SLC4A10: variants seen among roughly 807,000 people sequenced by gnomAD.
SLC4A10 encodes the protein sodium-driven chloride bicarbonate exchanger.
Under a neutral mutation model 137.7 loss-of-function variants are expected in SLC4A10, and 42 were observed. That is an observed-to-expected ratio of 0.30 (90% CI 0.24 to 0.39). The LOEUF (loss-of-function observed/expected upper bound fraction) is 0.39, where lower values mean the gene tolerates loss of function less well. Ranked by LOEUF, SLC4A10 falls within the 10% of genes least tolerant of loss-of-function variation. The pLI is 1.00. For missense variants in SLC4A10, 925 were observed against 1,355.0 expected (o/e 0.68, Z 4.98); for synonymous variants, 474 against 464.1 (o/e 1.02, Z -0.27).
intron 5 of SLC4A10, among the ~76,000 whole-genome samples, chr2:161,861,696 G>A (rs1376002859): frequency 3.3e-5 from 5 of 152,094 alleles, no homozygotes; most frequent in African/African-American, 2.4e-5. Context: ...TTTACTGATA[G>A]CCTCAATATT....
intron 9 of SLC4A10, 31 bp downstream of exon 9, chr2:161,879,319 T>C (rs770130347): frequency 6.4e-7 from 1 of 1,550,766 alleles, no homozygotes; most frequent in Non-Finnish European, 8.7e-7. Context: ...TTTTGTATTT[T>C]TCTTAAACCA....
intron 23 of SLC4A10, among the ~76,000 whole-genome samples, chr2:161,966,421 G>A (rs889569137): frequency 2.0e-5 from 3 of 151,984 alleles, no homozygotes; most frequent in East Asian, 1.9e-4. Flanking sequence ...TTTTCTGTTT[G>A]ATATATTTTT....
In SLC4A10 at chr2:161,952,868, T is replaced by C. The variant is rs550786506; in HGVS notation, c.2541+2020T>C. On this transcript the variant is annotated intron_variant, in intron 19 of 26. Coordinates refer to ENST00000446997, the MANE Select transcript of SLC4A10 (RefSeq NM_001178015.2). ...ACAAAATCACCTTCTCAGAATGTTA[T>C]TTACTCAGAGTAACGGTTTGTTCCA... Among the ~76,000 whole-genome samples the C allele has an allele frequency of 5.1e-4, 77 of 152,332 alleles. No individual in the cohort carries two copies. The Middle Eastern group carries it at 0.01, about 20-fold the overall frequency.
chr2:161,639,989 G>A (rs2105476490), intron 1 of SLC4A10, among the ~76,000 whole-genome samples: 1 of 152,198 alleles, frequency 6.6e-6, no homozygotes, highest in East Asian at 1.9e-4. Context: ...GAAACTATCT[G>A]AAAAATAAAT....
chr2:161,780,660 TA>T (rs577604830), intron 2 of SLC4A10, among the ~76,000 whole-genome samples: 5 of 152,058 alleles, frequency 3.3e-5, no homozygotes, highest in Non-Finnish European at 7.4e-5. Context: ...AATGATTTTT[TA>T]AAAAATTCTT....
Position 161,948,527 on chromosome 2 carries a change from G to A in SLC4A10, c.2266-621G>A, listed in dbSNP as rs535080159. ...GTATGCTTGTGTGTATGTCATAAAG[G>A]CATCTTAAAATAAACTAGATCTGGA... On this transcript the variant is annotated intron_variant, in intron 17 of 26. Coordinates refer to ENST00000446997, the MANE Select transcript of SLC4A10 (RefSeq NM_001178015.2). 2.0e-5 allele frequency among the ~76,000 whole-genome samples: 3 copies of A among 152,084 alleles called. No homozygotes were observed. The South Asian group carries it at 6.2e-4, about 32-fold the overall frequency.
chr2:161,738,067 C>A (rs2047524176), intron 1 of SLC4A10, among the ~76,000 whole-genome samples: 1 of 151,940 alleles, frequency 6.6e-6, no homozygotes, highest in South Asian at 2.1e-4. Context: ...GACTTCTGAA[C>A]AAGTTTGGAT....
At chr2:161,755,686 C>A (rs943770509) in intron 1 of SLC4A10, among the ~76,000 whole-genome samples, 1 of 152,080 alleles carries the variant, frequency 6.6e-6, no homozygotes, top group African/African-American at 2.4e-5. Flanking sequence ...ATATCTTCAT[C>A]CCTTTAGAAT....
chr2:161,724,518 G>A (rs192973281), intron 1 of SLC4A10, among the ~76,000 whole-genome samples: 2 of 152,280 alleles, frequency 1.3e-5, no homozygotes, highest in Admixed American at 1.3e-4. Context: ...GTGTGAACAA[G>A]ATAGATATAA....
chr2:161,874,664 C>G lies in SLC4A10; in HGVS notation c.948+659C>G, dbSNP rs557315883. ...TCTAGAGCCCTCTACTTAGTGTCAG[C>G]TGTTGTTCATAGCATGGCACACTGG... On this transcript the variant is annotated intron_variant, in intron 8 of 26. Coordinates refer to ENST00000446997, the MANE Select transcript of SLC4A10 (RefSeq NM_001178015.2). Among the ~76,000 whole-genome samples the G allele has an allele frequency of 2.7e-3, 404 of 152,282 alleles. 1 individual carries two copies. The highest frequency in any genetic ancestry group is 9.2e-3 in the African/African-American group (383 of 41,558).
At chr2:161,788,100 G>A (rs1229361562) in intron 2 of SLC4A10, among the ~76,000 whole-genome samples, 1 of 150,866 alleles carries the variant, frequency 6.6e-6, no homozygotes, top group Non-Finnish European at 1.5e-5. Context: ...TCCCTTGAGG[G>A]TATGACTGTG....
chr2:161,797,666 G>A (rs2054921399), intron 2 of SLC4A10, among the ~76,000 whole-genome samples: 1 of 151,484 alleles, frequency 6.6e-6, no homozygotes, highest in African/African-American at 2.4e-5. Flanking sequence ...CATATTTTTA[G>A]GTTTCATTCA....
chr2:161,722,848 T>A (rs1419659205), intron 1 of SLC4A10, among the ~76,000 whole-genome samples: 2 of 152,194 alleles, frequency 1.3e-5, no homozygotes, highest in Non-Finnish European at 2.9e-5. Flanking sequence ...AGATCAGATT[T>A]CTCTCTGTAA....
At chr2:161,828,812 A>G (rs2058224079) in intron 3 of SLC4A10, among the ~76,000 whole-genome samples, 2 of 129,068 alleles carry the variant, frequency 1.5e-5, no homozygotes, top group African/African-American at 2.9e-5. Flanking sequence ...ATATATATGT[A>G]TAATCTACAT....
chr2:161,735,717 C>T (rs1232009904), intron 1 of SLC4A10, among the ~76,000 whole-genome samples: 1 of 152,152 alleles, frequency 6.6e-6, no homozygotes, highest in African/African-American at 2.4e-5. Flanking sequence ...CAAAGCTAAT[C>T]CCAGGAAGAA....
chr2:161,790,376 C>A (rs958950421), intron 2 of SLC4A10, among the ~76,000 whole-genome samples: 2 of 152,080 alleles, frequency 1.3e-5, no homozygotes, highest in Non-Finnish European at 2.9e-5. Flanking sequence ...TTATAATTTC[C>A]TTATTTCAAA....
chr2:161,806,445 T>C (rs1346935919), intron 3 of SLC4A10, among the ~76,000 whole-genome samples: 1 of 152,170 alleles, frequency 6.6e-6, no homozygotes, highest in African/African-American at 2.4e-5. Flanking sequence ...TTTTCTGAAC[T>C]TTTATCCTTT....
chr2:161,696,670 GT>G (rs1559051967), intron 1 of SLC4A10, among the ~76,000 whole-genome samples: 2 of 151,978 alleles, frequency 1.3e-5, no homozygotes, highest in Non-Finnish European at 2.9e-5. Flanking sequence ...ATTCCATGGT[GT>G]ATATGTACCA....
chr2:161,916,296 A>C (rs1292203279), intron 15 of SLC4A10, among the ~76,000 whole-genome samples: 1 of 152,220 alleles, frequency 6.6e-6, no homozygotes, highest in African/African-American at 2.4e-5. Flanking sequence ...GCTCAGACTA[A>C]AAAATCATGG....
Sources: gnomAD v4.1 joint callset for allele counts (sites outside exome capture counted in the v4.1 genomes callset) on GRCh38, gnomAD v4.1.1 for gene constraint, MANE v1.5 for transcripts, NCBI Gene and HGNC (gene_info 2026-07-23, HGNC 2026-07-21) for gene names.